Variants in ANKS1B observed in about 807,000 individuals in gnomAD.
ANKS1B encodes ankyrin repeat and sterile alpha motif domain-containing protein 1B.
Under a neutral mutation model 148.3 loss-of-function variants are expected in ANKS1B, and 36 were observed. The ratio of observed to expected loss-of-function variants is 0.24; its 90% CI spans 0.19 to 0.32. The LOEUF (loss-of-function observed/expected upper bound fraction) is 0.32. ANKS1B is among the 10% of genes least tolerant of loss of function. The pLI is 1.00. For missense variants in ANKS1B, 1,157 were observed against 1,542.6 expected (o/e 0.75, Z 4.19); for synonymous variants, 542 against 560.8 (o/e 0.97, Z 0.47).
rs192033421 is a variant in ANKS1B, at chr12:99,713,008, T to C, written c.1129-57798A>G. ...CAAACAAACTTCTATCATTTTGTTCTTTCTCTGTCTCTTTCAGTCCAAGCT... is the reference window on the plus strand; with the variant it reads ...CAAACAAACTTCTATCATTTTGTTCCTTCTCTGTCTCTTTCAGTCCAAGCT... On this transcript the variant is annotated intron_variant, in intron 8 of 26. Coordinates refer to ENST00000683438, the MANE Select transcript of ANKS1B (RefSeq NM_001352186.2). Among the ~76,000 whole-genome samples the C allele has an allele frequency of 1.2e-4, 18 of 152,350 alleles. No individual in the cohort carries two copies. The East Asian group carries it at 3.3e-3, about 28-fold the overall frequency.
chr12:99,118,249 AT>A (rs1239536467), intron 15 of ANKS1B, among the ~76,000 whole-genome samples: 1 of 152,232 alleles, frequency 6.6e-6, no homozygotes, highest in African/African-American at 2.4e-5. Flanking sequence ...TGTTGGGAAA[AT>A]ATAAATGTAC....
intron 1 of ANKS1B, among the ~76,000 whole-genome samples, chr12:99,938,259 T>C (rs907299064): frequency 1.3e-5 from 2 of 152,184 alleles, no homozygotes; most frequent in Admixed American, 6.5e-5. Flanking sequence ...TCTGGACTGA[T>C]AGCCAGCAAG....
intron 12 of ANKS1B, among the ~76,000 whole-genome samples, chr12:99,380,784 CCTTCCTTCCTTCCTTCCTTT>C (rs1013627189): frequency 1.1e-4 from 14 of 123,526 alleles, no homozygotes; most frequent in East Asian, 4.6e-4. Flanking sequence ...TTCCTTCCTT[CCTTCCTTCCTTCCTTCCTTT>C]CTCATGCTCC....
At chr12:99,246,930 G>T in intron 12 of ANKS1B, 66 bp from the exon 13 acceptor site, 1 of 1,225,686 alleles carries the variant, frequency 8.2e-7, no homozygotes, top group Non-Finnish European at 1.1e-6. Flanking sequence ...TAATAGCAGT[G>T]CCCTTATGAA....
chr12:99,181,444 A>C (rs1418109628), intron 14 of ANKS1B, among the ~76,000 whole-genome samples: 1 of 152,224 alleles, frequency 6.6e-6, no homozygotes, highest in Non-Finnish European at 1.5e-5. Context: ...TCAAGGTAAA[A>C]GATTGTAAAC....
At chr12:99,133,151 A>G (rs1379553328) in intron 15 of ANKS1B, among the ~76,000 whole-genome samples, 1 of 150,204 alleles carries the variant, frequency 6.7e-6, no homozygotes, top group Non-Finnish European at 1.5e-5. Context: ...TCCCAGGTTC[A>G]AGCAATTCTT....
chr12:99,783,319 G>C (rs1384598849), intron 4 of ANKS1B, among the ~76,000 whole-genome samples: 2 of 152,004 alleles, frequency 1.3e-5, no homozygotes, highest in Non-Finnish European at 2.9e-5. Context: ...ACCTAGTGTT[G>C]GGCAAAATCA....
intron 1 of ANKS1B, among the ~76,000 whole-genome samples, chr12:99,946,684 C>T (rs1346689557): frequency 2.6e-5 from 4 of 152,154 alleles, no homozygotes; most frequent in Non-Finnish European, 5.9e-5. Context: ...ATGTGATTTG[C>T]TTGGCTAACA....
At chr12:98,847,715 C>T (rs1196970181) in intron 17 of ANKS1B, among the ~76,000 whole-genome samples, 1 of 152,160 alleles carries the variant, frequency 6.6e-6, no homozygotes, top group Non-Finnish European at 1.5e-5. Context: ...CCTGCTTCAG[C>T]CTTCTGAGCA....
intron 9 of ANKS1B, among the ~76,000 whole-genome samples, chr12:99,565,553 G>C (rs748723768): frequency 6.6e-6 from 1 of 152,138 alleles, no homozygotes; most frequent in Non-Finnish European, 1.5e-5. Context: ...AGGTTTCAAG[G>C]GCAGAGAATA....
chr12:99,947,474 G>GTGT (rs1397317897), intron 1 of ANKS1B, among the ~76,000 whole-genome samples: 1 of 152,022 alleles, frequency 6.6e-6, no homozygotes. Context: ...GTTTAGAAAC[G>GTGT]TAACAATGAA....
rs141012086 is a variant in ANKS1B at position 99,599,589 on chromosome 12, A to T, written c.1272+55478T>A. Reference sequence around the variant, plus strand: ...AACCCTTAATAATTATTCAGGAATAAAAAGAAGAGATGGATAAGATATAAA... The same window carrying T: ...AACCCTTAATAATTATTCAGGAATATAAAGAAGAGATGGATAAGATATAAA... On this transcript the variant is annotated intron_variant, in intron 9 of 26. Transcript: ENST00000683438. Among the ~76,000 whole-genome samples, 200 of 152,234 alleles carry T rather than the reference A, an allele frequency of 1.3e-3. 1 individual carries two copies. Among genetic ancestry groups the T allele is most frequent in the African/African-American group, 4.2e-3 (176 of 41,560 alleles).
At chr12:99,631,844 C>T (rs1054017418) in intron 9 of ANKS1B, among the ~76,000 whole-genome samples, 2 of 152,132 alleles carry the variant, frequency 1.3e-5, no homozygotes, top group African/African-American at 4.8e-5. Context: ...TTGGAAAATG[C>T]TCAGCCTAAC....
At chr12:99,660,595 T>C (rs2098472576) in intron 8 of ANKS1B, among the ~76,000 whole-genome samples, 1 of 152,102 alleles carries the variant, frequency 6.6e-6, no homozygotes, top group Non-Finnish European at 1.5e-5. Flanking sequence ...ACTCCTGACT[T>C]CAGGTGATCC....
At chr12:99,412,328 G>T (rs2094737529) in intron 11 of ANKS1B, among the ~76,000 whole-genome samples, 1 of 152,096 alleles carries the variant, frequency 6.6e-6, no homozygotes, top group Non-Finnish European at 1.5e-5. Context: ...GCTTCAGGGG[G>T]TCCTTCACCT....
At chr12:99,526,767 G>C (rs946177506) in intron 9 of ANKS1B, among the ~76,000 whole-genome samples, 1 of 152,278 alleles carries the variant, frequency 6.6e-6, no homozygotes, top group South Asian at 2.1e-4. Context: ...GTTACTTTGG[G>C]TATGATATGG....
chr12:99,176,818 A>G (rs1445581808), intron 14 of ANKS1B, among the ~76,000 whole-genome samples: 2 of 152,010 alleles, frequency 1.3e-5, no homozygotes, highest in Non-Finnish European at 2.9e-5. Context: ...CACCATCAAT[A>G]AAGGCTCCCT....
chr12:98,829,122 A>G lies in ANKS1B; in HGVS notation c.3066+52T>C, dbSNP rs2099274299. The stretch of plus-strand genomic sequence containing the variant: ...TAGGAAGCTACTGTTCACTATTAAA[A>G]GGCATTACCTGATATGGTTGAAAAA... On this transcript the variant is annotated intron_variant, in intron 19 of 26. Transcript: ENST00000683438. The surrounding 1 kb of genome is among the most constrained non-coding windows in gnomAD (Gnocchi z 5.2). 6.2e-7 allele frequency: 1 copy of G among 1,603,200 alleles called. No individual in the cohort carries two copies. Among genetic ancestry groups the G allele is most frequent in the Non-Finnish European group, 8.5e-7 (1 of 1,171,376 alleles).
At position 99,439,003 on chromosome 12, in the gene ANKS1B, T is replaced by C. The variant is rs145284255; in HGVS notation, c.1575+4670A>G. Among the ~76,000 whole-genome samples, 1,340 of 151,960 alleles carry C rather than the reference T, an allele frequency of 8.8e-3. 16 individuals carry two copies. Among genetic ancestry groups the C allele is most frequent in the South Asian group, 0.035 (170 of 4,828 alleles). On this transcript the variant is annotated intron_variant, in intron 11 of 26. Coordinates refer to ENST00000683438, the MANE Select transcript of ANKS1B (RefSeq NM_001352186.2). ...GCAAACAAGTACTCTAGCATTTAAA[T>C]AAAATTAAAATGGTAATATAAAACT...
Sources: allele counts gnomAD v4.1 joint callset (sites outside exome capture counted in the v4.1 genomes callset), GRCh38; gene constraint gnomAD v4.1.1; non-coding constraint Gnocchi (gnomAD v3.1); transcripts MANE v1.5; gene names NCBI Gene and HGNC (gene_info 2026-07-23, HGNC 2026-07-21).